The following ZPBP variants were observed in gnomAD, a reference collection of about 807,000 sequenced individuals.
The protein encoded by ZPBP is zona pellucida-binding protein 1.
Under a neutral mutation model 44.8 loss-of-function variants are expected in ZPBP, and 26 were observed. The observed-to-expected ratio is 0.58, with a 90% CI of 0.43 to 0.81. The LOEUF is 0.81. Among genes scored for constraint, ZPBP ranks in the 30% least tolerant of loss-of-function variants. The probability of loss-of-function intolerance (pLI) is 0.00; values close to 1 mark genes in which losing one functional copy is unlikely to be tolerated. For synonymous variants in ZPBP, 174 were observed against 153.2 expected (o/e 1.14, Z -1.00); for missense variants, 409 against 434.0 (o/e 0.94, Z 0.51).
At chr7:50,021,496 T>C (rs1208414711) in intron 5 of ZPBP, among the ~76,000 whole-genome samples, 1 of 151,314 alleles carries the variant, frequency 6.6e-6, no homozygotes, top group South Asian at 2.1e-4. Context: ...AAAAAAAAAA[T>C]TTTAAGTGAA....
rs1170592952 is a variant in ZPBP, at chr7:50,033,677, A to AGTTTGTTT, written c.488-2368_488-2367insAAACAAAC. ...TAACGTCAATAATTATTCTTTCTAC[A>AGTTTGTTT]GTTTATTTATTTATTTATTTATTTA... is the stretch of plus-strand genomic sequence containing the variant. On this transcript the variant is annotated intron_variant, in intron 4 of 7. Transcript: ENST00000046087. Among the ~76,000 whole-genome samples, 97 of 46,272 alleles carry AGTTTGTTT rather than the reference A, an allele frequency of 2.1e-3. 1 individual carries two copies. Among genetic ancestry groups the AGTTTGTTT allele is most frequent in the East Asian group, 0.012 (12 of 964 alleles). The allele number at this position is 46,272 out of a possible 152,430, so 30.4% of individuals were successfully genotyped here. A position where few individuals can be genotyped will look rare whatever the true frequency, so the allele number is the denominator to read the frequency against.
At chr7:50,047,817 T>C (rs1214934681) in intron 4 of ZPBP, among the ~76,000 whole-genome samples, 1 of 152,066 alleles carries the variant, frequency 6.6e-6, no homozygotes, top group African/African-American at 2.4e-5. Context: ...TATGGCAATA[T>C]CTCCATATCA....
intron 4 of ZPBP, among the ~76,000 whole-genome samples, chr7:50,045,109 C>T (rs1339579498): frequency 1.3e-5 from 2 of 152,132 alleles, no homozygotes; most frequent in East Asian, 3.8e-4. Flanking sequence ...CCCCTTTATG[C>T]TAAAAACTCT....
In ZPBP at chr7:49,939,281, C is replaced by T. The variant is rs527834410; in HGVS notation, c.962-1659G>A. Among the ~76,000 whole-genome samples the T allele has an allele frequency of 5.3e-5, 8 of 152,144 alleles. No individual in the cohort carries two copies. The South Asian group carries it at 1.7e-3, about 32-fold the overall frequency. The stretch of plus-strand genomic sequence containing the variant: ...TACACATATGCTTTATATTGATTAT[C>T]AAAAATAGAAATGACACCAGCATAA... On this transcript the variant is annotated intron_variant, in intron 7 of 7. Coordinates refer to ENST00000046087, the MANE Select transcript of ZPBP (RefSeq NM_007009.3).
At chr7:49,979,029 A>G (rs1490989212) in intron 7 of ZPBP, among the ~76,000 whole-genome samples, 1 of 152,094 alleles carries the variant, frequency 6.6e-6, no homozygotes, top group Non-Finnish European at 1.5e-5. Flanking sequence ...CAACTCACTA[A>G]TTAATAAGTC....
intron 3 of ZPBP, among the ~76,000 whole-genome samples, chr7:50,077,636 T>A (rs146953764): frequency 6.6e-6 from 1 of 151,926 alleles, no homozygotes; most frequent in Non-Finnish European, 1.5e-5. Flanking sequence ...AACAGGCCTA[T>A]GAAATGGTGC....
At chr7:50,010,784 A>C (rs1488151073) in intron 6 of ZPBP, among the ~76,000 whole-genome samples, 8 of 151,946 alleles carry the variant, frequency 5.3e-5, no homozygotes, top group Non-Finnish European at 1.2e-4. Context: ...ACCAAGGACA[A>C]CCTATAAATT....
At chr7:50,067,719 A>T (rs764369997) in intron 3 of ZPBP, among the ~76,000 whole-genome samples, 1 of 152,206 alleles carries the variant, frequency 6.6e-6, no homozygotes, top group Non-Finnish European at 1.5e-5. Flanking sequence ...AGCCGGGTTT[A>T]GAGTATTCAC....
rs142769906 is a variant in ZPBP at position 49,855,819 on chromosome 7, C to T, written n.510-5305G>A. On this transcript the variant is annotated intron_variant and non_coding_transcript_variant, in intron 2 of 2. Transcript: ENST00000465922. ...TCACCAGCCAGGGGCCGGTGGCTGA[C>T]GGTGCACGTTAATTCCCAGAGCACC... 2.7e-3 allele frequency among the ~76,000 whole-genome samples: 414 copies of T among 152,248 alleles called. 2 individuals are homozygous for T. The highest frequency in any genetic ancestry group is 9.1e-3 in the African/African-American group (379 of 41,536).
intron 7 of ZPBP, among the ~76,000 whole-genome samples, chr7:49,981,618 TA>T (rs1562820238): frequency 7.9e-5 from 1 of 12,704 alleles, no homozygotes; most frequent in Non-Finnish European, 1.2e-4. Context: ...ATAATTATAT[TA>T]TATTATATTA....
intron 1 of ZPBP, among the ~76,000 whole-genome samples, chr7:49,925,831 G>A (rs1794216887): frequency 6.6e-6 from 1 of 152,090 alleles, no homozygotes; most frequent in Non-Finnish European, 1.5e-5. Flanking sequence ...TCTAAAATAG[G>A]GCAGTCACTA....
At chr7:50,032,040 C>T (rs573906964) in intron 4 of ZPBP, among the ~76,000 whole-genome samples, 3 of 152,282 alleles carry the variant, frequency 2.0e-5, no homozygotes, top group Admixed American at 2.0e-4. Context: ...GCTTCCTGCA[C>T]ACACTGAAGT....
chr7:49,855,064 A>G (rs1470501809), intron 2 of ZPBP, among the ~76,000 whole-genome samples: 1 of 152,238 alleles, frequency 6.6e-6, no homozygotes, highest in Non-Finnish European at 1.5e-5. Flanking sequence ...CTATATTTGA[A>G]AATCGAAAAA....
intron 6 of ZPBP, among the ~76,000 whole-genome samples, chr7:50,011,832 A>G (rs1798598245): frequency 6.6e-6 from 1 of 152,086 alleles, no homozygotes; most frequent in South Asian, 2.1e-4. Context: ...CGGGCGGATC[A>G]CAAGGTCAGC....
chr7:50,024,464 TACAC>T (rs34796150), intron 5 of ZPBP, among the ~76,000 whole-genome samples: 1 of 151,146 alleles, frequency 6.6e-6, no homozygotes. Flanking sequence ...TAATGCATTA[TACAC>T]ACACACACAC....
intron 7 of ZPBP, among the ~76,000 whole-genome samples, chr7:49,968,773 AATT>A (rs1167005312): frequency 3.3e-5 from 5 of 152,076 alleles, no homozygotes; most frequent in Non-Finnish European, 5.9e-5. Context: ...AATTAATAGT[AATT>A]ATTAATAATT....
At chr7:50,043,186 C>T (rs1800179470) in intron 4 of ZPBP, among the ~76,000 whole-genome samples, 1 of 152,156 alleles carries the variant, frequency 6.6e-6, no homozygotes, top group African/African-American at 2.4e-5. Flanking sequence ...CCTTTGTTTC[C>T]CGTTAAGTAA....
chr7:50,001,013 G>A (rs1380819119), intron 6 of ZPBP, among the ~76,000 whole-genome samples: 1 of 152,102 alleles, frequency 6.6e-6, no homozygotes, highest in African/African-American at 2.4e-5. Flanking sequence ...AAAGAGGAAA[G>A]ACCATGTGAA....
At chr7:50,055,972 T>A (rs1362185234) in intron 4 of ZPBP, among the ~76,000 whole-genome samples, 1 of 152,222 alleles carries the variant, frequency 6.6e-6, no homozygotes, top group Admixed American at 6.5e-5. Flanking sequence ...ATTATTTGCC[T>A]AACAAAGTTA....
Sources: allele counts gnomAD v4.1 joint callset (sites outside exome capture counted in the v4.1 genomes callset), GRCh38; gene constraint gnomAD v4.1.1; transcripts MANE v1.5; gene names NCBI Gene and HGNC (gene_info 2026-07-23, HGNC 2026-07-21).